The following PWWP3A variants were observed in gnomAD, a reference collection of about 807,000 sequenced individuals.
PWWP3A encodes PWWP domain containing 3A, DNA repair factor, also known as PWWP domain-containing DNA repair factor 3A.
PWWP3A carries 53 observed loss-of-function variants against 79.0 expected under a neutral mutation model. The observed-to-expected ratio is 0.67, with a 90% confidence interval of 0.54 to 0.84. PWWP3A has a LOEUF of 0.84. Ranked by LOEUF, PWWP3A falls within the 40% of genes least tolerant of loss-of-function variation. The probability of loss-of-function intolerance (pLI) is 0.00; values close to 1 mark genes in which losing one functional copy is unlikely to be tolerated. For synonymous variants in PWWP3A, 443 were observed against 394.4 expected, an observed-to-expected ratio of 1.12 and a Z score of -1.46; for missense variants, 973 against 948.0, an observed-to-expected ratio of 1.03 and a Z score of -0.35.
At position 1,368,171 on chromosome 19, in the gene PWWP3A, C is replaced by T. The variant is rs2082168861; in HGVS notation, c.1422+951C>T. Among the ~76,000 whole-genome samples the T allele has an allele frequency of 6.6e-6, 1 of 152,184 alleles. No homozygotes were observed. The highest frequency in any genetic ancestry group is 2.1e-4 in the South Asian group (1 of 4,820). On this transcript the variant is annotated intron_variant, in intron 9 of 13. Transcript: ENST00000591337. The surrounding 1 kb of genome is among the most constrained non-coding windows in gnomAD (Gnocchi z 4.7). The stretch of plus-strand genomic sequence containing the variant: ...AACTCCTGACCTCATGATCCGCCTG[C>T]CTCAGCCTCTCAAAGTGCTGGGATT...
At position 1,360,722 on chromosome 19, in the gene PWWP3A, C is replaced by A; in HGVS notation, c.801C>A (p.Asn267Lys). Reference sequence around the variant, plus strand: ...TCAGGGAGGACGATCCCTGTGCCAACGCTGAGGGACACGACCCCGGTCTGC... The same window carrying A: ...TCAGGGAGGACGATCCCTGTGCCAAAGCTGAGGGACACGACCCCGGTCTGC... ...SGVREDDPCA[N>K]AEGHDPGLPL... is the part of the protein sequence containing the mutation. The change falls in exon 5 of 14, where the codon AAC becomes AAA. Residue 267 changes from asparagine to lysine, a missense_variant. Physicochemically the swap from Asn to Lys is moderately conservative, Grantham distance 94. Transcript: ENST00000591337. This position sits in a 1 kb window ranked among gnomAD's most constrained non-coding sequence, Gnocchi z 4.4. 2 of 1,613,274 alleles carry A rather than the reference C, an allele frequency of 1.2e-6. No homozygotes were observed. The highest frequency in any genetic ancestry group is 1.7e-6 in the Non-Finnish European group (2 of 1,179,882).
chr19:1,369,365 G>A lies in PWWP3A; in HGVS notation c.1498+25G>A, dbSNP rs2082200830. 1 of 1,610,142 alleles carries A rather than the reference G, an allele frequency of 6.2e-7. No homozygotes were observed. Among genetic ancestry groups the A allele is most frequent in the African/African-American group, 1.3e-5 (1 of 74,844 alleles). On this transcript the variant is annotated intron_variant, in intron 10 of 13. Transcript: ENST00000591337. This position sits in a 1 kb window ranked among gnomAD's most constrained non-coding sequence, Gnocchi z 4.0. ...GGTACGTGGGGTGCTGGGGAGGGGTGGAGCTGGGCAGCAGGCGTCCAGCCT... is the reference window on the plus strand; with the variant it reads ...GGTACGTGGGGTGCTGGGGAGGGGTAGAGCTGGGCAGCAGGCGTCCAGCCT...
intron 12 of PWWP3A, 89 bp downstream of exon 12, chr19:1,371,167 GC>G (rs2082250341): frequency 6.9e-7 from 1 of 1,449,028 alleles, no homozygotes; most frequent in African/African-American, 1.4e-5. Context: ...CACGGTCCTC[GC>G]CCCTGCTCCC....
chr19:1,370,159 G>C (rs2668422), intron 11 of PWWP3A, among the ~76,000 whole-genome samples: 1 of 152,170 alleles, frequency 6.6e-6, no homozygotes, highest in Non-Finnish European at 1.5e-5. Flanking sequence ...GCTTGAGCCC[G>C]AGAGTTCAAG....
chr19:1,358,732 G>T (rs746381542), intron 4 of PWWP3A: 2 of 1,401,094 alleles, frequency 1.4e-6, no homozygotes, highest in African/African-American at 2.8e-5. Flanking sequence ...TACCCCCGTG[G>T]CCTCCAGTAC....
chr19:1,375,445 A>ATG (rs1555773246), intron 13 of PWWP3A, among the ~76,000 whole-genome samples: 5 of 134,552 alleles, frequency 3.7e-5, no homozygotes, highest in African/African-American at 1.4e-4. Flanking sequence ...AGCCATATAT[A>ATG]TTTATATATA....
Position 1,360,721 on chromosome 19 carries a change from A to C in PWWP3A, c.800A>C (p.Asn267Thr). The change falls in exon 5 of 14, where the codon AAC becomes ACC. Residue 267 changes from asparagine (N) to threonine (T), a missense_variant. Coordinates refer to ENST00000591337, the MANE Select transcript of PWWP3A (RefSeq NM_001369789.1). The surrounding 1 kb of genome is among the most constrained non-coding windows in gnomAD (Gnocchi z 4.4). ...GTCAGGGAGGACGATCCCTGTGCCAACGCTGAGGGACACGACCCCGGTCTG... is the reference window on the plus strand; with the variant it reads ...GTCAGGGAGGACGATCCCTGTGCCACCGCTGAGGGACACGACCCCGGTCTG... ...SGVREDDPCA[N>T]AEGHDPGLPL... The C allele has an allele frequency of 1.9e-6, 3 of 1,613,256 alleles. No individual in the cohort carries two copies. The highest frequency in any genetic ancestry group is 2.5e-6 in the Non-Finnish European group (3 of 1,179,890).
rs775365072 is a variant in PWWP3A, at chr19:1,366,390, CTGTTCTTGG to C, written c.1361+11_1361+19del. The C allele has an allele frequency of 6.2e-7, 1 of 1,613,730 alleles. No homozygotes were observed. Among genetic ancestry groups the C allele is most frequent in the East Asian group, 2.2e-5 (1 of 44,888 alleles). On this transcript the variant is annotated intron_variant, in intron 8 of 13. Coordinates refer to ENST00000591337, the MANE Select transcript of PWWP3A (RefSeq NM_001369789.1). ...AACCCGAAAATGAAAGGGTAACCCG[CTGTTCTTGG>C]TTTCTGTGAATGGGCCTGAGGGGCC...
chr19:1,376,480 A>G (rs1443069807), intron 13 of PWWP3A, 39 bp from the exon 14 acceptor site: 5 of 1,602,458 alleles, frequency 3.1e-6, no homozygotes, highest in African/African-American at 2.7e-5. Context: ...TTAACACACA[A>G]TGATTAATTA....
rs956931880 is a variant in PWWP3A, at chr19:1,377,984, G to T, written c.*1408G>T. 1 of 152,284 alleles carries T rather than the reference G, an allele frequency of 6.6e-6. No individual in the cohort carries two copies. The highest frequency in any genetic ancestry group is 1.5e-5 in the Non-Finnish European group (1 of 68,082). 9.4% of individuals were successfully genotyped at this position (152,284 alleles called of 1,614,324 possible). Reference sequence around the variant, plus strand: ...AGAGGCGGCGGCTGCTCTGGACCTCGGTGTTCACTGACCTTTGTTTCACTT... The same window carrying T: ...AGAGGCGGCGGCTGCTCTGGACCTCTGTGTTCACTGACCTTTGTTTCACTT... On this transcript the variant is annotated 3_prime_UTR_variant, in exon 14 of 14. Coordinates refer to ENST00000591337, the MANE Select transcript of PWWP3A (RefSeq NM_001369789.1).
chr19:1,366,450 C>T (rs1025641115), intron 8 of PWWP3A, 69 bp downstream of exon 8: 28 of 1,439,814 alleles, frequency 1.9e-5, no homozygotes, highest in Middle Eastern at 1.8e-4. Context: ...AGAGTCAGAG[C>T]GGGCGTGGGG....
chr19:1,359,204 C>T lies in PWWP3A; in HGVS notation c.214+740C>T, dbSNP rs530780655. 1.5e-3 allele frequency: 229 copies of T among 155,644 alleles called. 3 individuals are homozygous for T. Among genetic ancestry groups the T allele is most frequent in the African/African-American group, 5.3e-3 (219 of 41,622 alleles). 9.6% of individuals were successfully genotyped at this position (155,644 alleles called of 1,614,324 possible). A position where few individuals can be genotyped will look rare whatever the true frequency, so the allele number is the denominator to read the frequency against. ...AAACCCAAACCTGCCAGCCTTCCTT[C>T]TCAAAGTGGAACTGTTTATCCCATT... On this transcript the variant is annotated intron_variant, in intron 4 of 13. Coordinates refer to ENST00000591337, the MANE Select transcript of PWWP3A (RefSeq NM_001369789.1).
At chr19:1,367,869 C>T (rs995552237) in intron 9 of PWWP3A, among the ~76,000 whole-genome samples, 1 of 152,144 alleles carries the variant, frequency 6.6e-6, no homozygotes, top group African/African-American at 2.4e-5. Flanking sequence ...ATTTTTACTC[C>T]TCTGGAAAAA....
intron 8 of PWWP3A, 117 bp downstream of exon 8, chr19:1,366,498 G>A: frequency 1.1e-6 from 1 of 907,024 alleles, no homozygotes. Context: ...AGGAGTCCAG[G>A]CCCGGGCAGG....
intron 13 of PWWP3A, 70 bp from the exon 14 acceptor site, chr19:1,376,449 C>A (rs2082403738): frequency 9.9e-6 from 15 of 1,518,528 alleles, no homozygotes; most frequent in African/African-American, 2.7e-5. Context: ...CGACCACACC[C>A]AGTCCTCTCT....
intron 6 of PWWP3A, among the ~76,000 whole-genome samples, chr19:1,363,428 G>A (rs962959751): frequency 6.6e-6 from 1 of 152,206 alleles, no homozygotes; most frequent in Non-Finnish European, 1.5e-5. Context: ...AGGACCGCAG[G>A]TGCTGTGGGG....
At chr19:1,365,016 AG>A (rs2082098579) in intron 7 of PWWP3A, among the ~76,000 whole-genome samples, 1 of 152,176 alleles carries the variant, frequency 6.6e-6, no homozygotes, top group Non-Finnish European at 1.5e-5. Flanking sequence ...GCTACTCGGG[AG>A]GCTGAGGCAG....
intron 6 of PWWP3A, among the ~76,000 whole-genome samples, chr19:1,362,554 CGA>C (rs1025691893): frequency 6.6e-6 from 1 of 152,198 alleles, no homozygotes; most frequent in African/African-American, 2.4e-5. Flanking sequence ...CACAAAGGGA[CGA>C]GAGACTCCTG....
chr19:1,373,404 G>A lies in PWWP3A; in HGVS notation c.2075+244G>A, dbSNP rs114770931. ...GTGGGCAGCACGGGGCCACGGGCAC[G>A]TGCCTGGGCCGTGTCTGTTCTTAAT... On this transcript the variant is annotated intron_variant, in intron 13 of 13. Coordinates refer to ENST00000591337, the MANE Select transcript of PWWP3A (RefSeq NM_001369789.1). 500 of 558,088 alleles carry A rather than the reference G, an allele frequency of 9.0e-4. 4 individuals carry two copies. Among genetic ancestry groups the A allele is most frequent in the African/African-American group, 7.5e-3 (399 of 52,916 alleles). 34.6% of individuals were successfully genotyped at this position (558,088 alleles called of 1,614,324 possible).
Sources: gnomAD v4.1 joint callset for allele counts (sites outside exome capture counted in the v4.1 genomes callset) on GRCh38, gnomAD v4.1.1 for gene constraint, Gnocchi (gnomAD v3.1) non-coding constraint, MANE v1.5 for transcripts, NCBI Gene and HGNC (gene_info 2026-07-23, HGNC 2026-07-21) for gene names.